Variants in IL1RAPL1 observed in about 807,000 individuals in gnomAD.
The protein encoded by IL1RAPL1 is interleukin-1 receptor accessory protein-like 1.
In IL1RAPL1, 3 loss-of-function variants were observed where a neutral mutation model predicts 48.4. The ratio of observed to expected loss-of-function variants is 0.06; its 90% CI spans 0.03 to 0.16. IL1RAPL1 has a LOEUF of 0.16. Ranked by LOEUF, IL1RAPL1 falls within the 10% of genes least tolerant of loss-of-function variation. IL1RAPL1 has a pLI of 1.00. For missense variants in IL1RAPL1, 349 were observed against 530.6 expected (o/e 0.66, Z 3.36); for synonymous variants, 185 against 187.7 (o/e 0.99, Z 0.12).
chrX:29,729,994 A>C (rs1053748159), intron 6 of IL1RAPL1, among the ~76,000 whole-genome samples: 1 of 112,249 alleles, frequency 8.9e-6, no homozygotes, highest in Non-Finnish European at 1.9e-5. Context: ...CAAATAGAGA[A>C]GGCCTTGAGA....
intron 6 of IL1RAPL1, among the ~76,000 whole-genome samples, chrX:29,671,242 G>C (rs187547865): frequency 2.2e-4 from 25 of 111,620 alleles, no homozygotes; most frequent in Non-Finnish European, 4.3e-4. Flanking sequence ...TTTGCTAGCC[G>C]TGCCTACCTT....
chrX:29,418,119 A>ATTTT (rs1225091387), intron 5 of IL1RAPL1, among the ~76,000 whole-genome samples: 15 of 30,927 alleles, frequency 4.9e-4, no homozygotes, highest in African/African-American at 1.5e-3. Flanking sequence ...ATATATATAT[A>ATTTT]TATATATTTT....
At chrX:29,265,589 T>A (rs1602142700) in intron 2 of IL1RAPL1, among the ~76,000 whole-genome samples, 1 of 103,329 alleles carries the variant, frequency 9.7e-6, no homozygotes, top group Admixed American at 1.0e-4. Flanking sequence ...TCATTTAGCA[T>A]TAGGTATATC....
intron 3 of IL1RAPL1, among the ~76,000 whole-genome samples, chrX:29,395,264 A>G (rs540912278): frequency 1.8e-5 from 2 of 112,079 alleles, no homozygotes; most frequent in African/African-American, 6.5e-5. Flanking sequence ...ATGGCCATGT[A>G]CATGAATAAG....
intron 2 of IL1RAPL1, among the ~76,000 whole-genome samples, chrX:28,906,244 G>T (rs1923213055): frequency 8.9e-6 from 1 of 112,900 alleles, no homozygotes; most frequent in South Asian, 3.6e-4. Context: ...GACATGTTGG[G>T]ATTATGGGGA....
intron 1 of IL1RAPL1, among the ~76,000 whole-genome samples, chrX:28,694,508 T>G (rs1005031299): frequency 8.9e-6 from 1 of 112,029 alleles, no homozygotes; most frequent in African/African-American, 3.2e-5. Flanking sequence ...CAGTGTGAAC[T>G]GGGGAGCTTT....
intron 3 of IL1RAPL1, among the ~76,000 whole-genome samples, chrX:29,334,442 C>T (rs796455236): frequency 0.073 from 5,633 of 77,687 alleles, no homozygotes; most frequent in Middle Eastern, 0.092. Flanking sequence ...GGCGGCTGGC[C>T]GGGCGGGGGG....
chrX:29,183,415 G>A (rs1487284840), intron 2 of IL1RAPL1, among the ~76,000 whole-genome samples: 1 of 111,563 alleles, frequency 9.0e-6, no homozygotes, highest in Non-Finnish European at 1.9e-5. Context: ...CCTAAATCCT[G>A]TTATTTCTCT....
At chrX:29,828,223 A>T (rs1478616702) in intron 6 of IL1RAPL1, among the ~76,000 whole-genome samples, 3 of 112,024 alleles carry the variant, frequency 2.7e-5, no homozygotes, top group African/African-American at 9.8e-5. Flanking sequence ...AATCGTAGGC[A>T]TAGAGCAGGT....
chrX:29,337,955 G>A (rs923382803), intron 3 of IL1RAPL1, among the ~76,000 whole-genome samples: 9 of 111,803 alleles, frequency 8.0e-5, no homozygotes, highest in Non-Finnish European at 1.5e-4. Flanking sequence ...TATTACAGGC[G>A]TGAGCCACTG....
At chrX:29,842,541 C>T (rs1044005485) in intron 6 of IL1RAPL1, among the ~76,000 whole-genome samples, 1 of 112,613 alleles carries the variant, frequency 8.9e-6, no homozygotes, top group Non-Finnish European at 1.9e-5. Context: ...GTTCCCTGAA[C>T]AGGCCCCATC....
intron 1 of IL1RAPL1, among the ~76,000 whole-genome samples, chrX:28,759,423 G>A (rs367558385): frequency 1.1e-4 from 12 of 109,966 alleles, no homozygotes; most frequent in African/African-American, 4.0e-4. Context: ...GGGAAAATTT[G>A]AGATTTAATA....
chrX:28,643,634 C>CA (rs986284956), intron 1 of IL1RAPL1, among the ~76,000 whole-genome samples: 96 of 103,559 alleles, frequency 9.3e-4, no homozygotes, highest in African/African-American at 2.4e-3. Context: ...ACATCCCCCT[C>CA]AAAAAAAAAA....
intron 3 of IL1RAPL1, among the ~76,000 whole-genome samples, chrX:29,311,770 C>T (rs898271176): frequency 4.5e-5 from 5 of 111,673 alleles, no homozygotes; most frequent in South Asian, 3.8e-4. Context: ...TAGTTCATCA[C>T]GAAATTCCTC....
chrX:29,069,628 A>AACACACACACACACACACACAC (rs56373899), intron 2 of IL1RAPL1, among the ~76,000 whole-genome samples: 1 of 83,733 alleles, frequency 1.2e-5, no homozygotes, highest in Non-Finnish European at 2.4e-5. Context: ...TTTCCTATAG[A>AACACACACACACACACACACAC]ACACACACAC....
chrX:28,727,885 A>C lies in IL1RAPL1; in HGVS notation c.-24-61435A>C, dbSNP rs770838083. Among the ~76,000 whole-genome samples, 4 of 108,077 alleles carry C rather than the reference A, an allele frequency of 3.7e-5. No individual in the cohort carries two copies. In the East Asian group the frequency reaches 1.2e-3, roughly 32 times the overall value. The allele number at this position is 108,077 out of a possible 115,157, so 93.9% of individuals were successfully genotyped here. A position where few individuals can be genotyped will look rare whatever the true frequency, so the allele number is the denominator to read the frequency against. On this transcript the variant is annotated intron_variant, in intron 1 of 10. Transcript: ENST00000378993. ...AATTGAACAATGAGATCACATGGAC[A>C]CAGGAAGGGGAACATCACACTCTGG...
At chrX:28,836,944 C>T (rs1473381026) in intron 2 of IL1RAPL1, among the ~76,000 whole-genome samples, 1 of 109,119 alleles carries the variant, frequency 9.2e-6, no homozygotes, top group African/African-American at 3.3e-5. Flanking sequence ...TTTTTAAAAC[C>T]AATTTTGCCT....
At position 29,599,184 on chromosome X, in the gene IL1RAPL1, C is replaced by G. The variant is rs1009953014; in HGVS notation, c.704-69246C>G. On this transcript the variant is annotated intron_variant, in intron 5 of 10. Transcript: ENST00000378993. ...GGAGGATTTGTTTCAAGATTCAGAGCTCCTTTTAGCAGTTCTTGTAGTGCT... is the reference window on the plus strand; with the variant it reads ...GGAGGATTTGTTTCAAGATTCAGAGGTCCTTTTAGCAGTTCTTGTAGTGCT... Among the ~76,000 whole-genome samples, 5 of 112,113 alleles carry G rather than the reference C, an allele frequency of 4.5e-5. No individual in the cohort carries two copies. The Admixed American group carries it at 4.7e-4, about 11-fold the overall frequency.
At chrX:29,113,298 TTAGC>T (rs747842589) in intron 2 of IL1RAPL1, among the ~76,000 whole-genome samples, 115 of 111,840 alleles carry the variant, frequency 1.0e-3, no homozygotes, top group African/African-American at 3.6e-3. Context: ...TTTGGGGTGT[TTAGC>T]TAGCTGTCTC....
Sources: allele counts gnomAD v4.1 joint callset (sites outside exome capture counted in the v4.1 genomes callset), GRCh38; gene constraint gnomAD v4.1.1; transcripts MANE v1.5; gene names NCBI Gene and HGNC (gene_info 2026-07-23, HGNC 2026-07-21).